Variants in ANKHD1 observed in about 807,000 individuals in gnomAD.
ANKHD1 encodes the protein ankyrin repeat and KH domain containing 1, also known as ankyrin repeat and KH domain-containing protein 1.
Under a neutral mutation model 230.5 loss-of-function variants are expected in ANKHD1, and 31 were observed. The ratio of observed to expected loss-of-function variants is 0.13; its 90% CI spans 0.10 to 0.18. The LOEUF is 0.18. ANKHD1 is among the 10% of genes least tolerant of loss of function. The probability of loss-of-function intolerance (pLI) is 1.00; values close to 1 mark genes in which losing one functional copy is unlikely to be tolerated. For synonymous variants in ANKHD1, 1,074 were observed against 1,117.6 expected (o/e 0.96, Z 0.78); for missense variants, 2,256 against 3,071.3 (o/e 0.73, Z 6.27).
intron 29 of ANKHD1, 21 bp from the exon 30 acceptor site, chr5:140,535,341 C>T (rs1356793789): frequency 1.3e-6 from 2 of 1,566,888 alleles, no homozygotes; most frequent in Admixed American, 2.0e-5. Context: ...AATTGGATGT[C>T]TTGGACCTGT....
Position 140,418,526 on chromosome 5 carries a change from A to G in ANKHD1, c.306+16253A>G, listed in dbSNP as rs76837744. Reference sequence around the variant, plus strand: ...AAACACTTTTATCACTCCCAAAAGAAGCCGTGTACTCCTTAGCAGTCTTTT... The same window carrying G: ...AAACACTTTTATCACTCCCAAAAGAGGCCGTGTACTCCTTAGCAGTCTTTT... On this transcript the variant is annotated intron_variant, in intron 1 of 33. Transcript: ENST00000360839. 6.7e-3 allele frequency among the ~76,000 whole-genome samples: 1,015 copies of G among 152,292 alleles called. 11 individuals are homozygous for G. Among genetic ancestry groups the G allele is most frequent in the African/African-American group, 0.023 (943 of 41,566 alleles).
chr5:140,502,063 G>A (rs776980580), intron 15 of ANKHD1, among the ~76,000 whole-genome samples: 9 of 150,504 alleles, frequency 6.0e-5, no homozygotes, highest in South Asian at 4.2e-4. Context: ...AAAGCATACC[G>A]TATAAGTTTA....
chr5:140,462,077 G>A (rs1447750955), intron 9 of ANKHD1, among the ~76,000 whole-genome samples: 1 of 151,888 alleles, frequency 6.6e-6, no homozygotes, highest in African/African-American at 2.4e-5. Flanking sequence ...TGATGATATT[G>A]CTATGATTTT....
chr5:140,402,224 C>T lies in ANKHD1; in HGVS notation c.257C>T (p.Thr86Ile), dbSNP rs1392033015. 2 of 1,520,848 alleles carry T rather than the reference C, an allele frequency of 1.3e-6. No homozygotes were observed. Among genetic ancestry groups the T allele is most frequent in the African/African-American group, 1.4e-5 (1 of 71,134 alleles). The allele number at this position is 1,520,848 out of a possible 1,614,324, so 94.2% of individuals were successfully genotyped here. ...AAGTTGGCGGCTGCCGTGCTGAGGA[C>T]CGGGGGTGGAGGTGGTGCCTCTGGC... ...DFKLAAAVLR[T>I]GGGGGASGSD... Residue 86 changes from threonine (T) to isoleucine (I), a missense_variant, in exon 1 of 34, where the codon ACC (threonine) becomes ATC (isoleucine). Around this residue, in one of 13 missense-constraint regions of ANKHD1, gnomAD observed 193 missense variants for 185.8 expected, o/e 1.04. Coordinates refer to ENST00000360839, the MANE Select transcript of ANKHD1 (RefSeq NM_017747.3).
chr5:140,539,145 G>T, intron 33 of ANKHD1, 62 bp downstream of exon 33: 2 of 1,546,208 alleles, frequency 1.3e-6, no homozygotes, highest in South Asian at 2.5e-5. Context: ...TTTGTTTTGT[G>T]AGAAGTATAA....
Position 140,528,708 on chromosome 5 carries a change from T to C in ANKHD1, c.5762T>C (p.Leu1921Ser). The C allele has an allele frequency of 6.2e-7, 1 of 1,614,240 alleles. No homozygotes were observed. The highest frequency in any genetic ancestry group is 8.5e-7 in the Non-Finnish European group (1 of 1,180,048). ...SRLPNQNGTV[L>S]PSESAGLATA... ...CTACCTAACCAGAACGGGACTGTTTTACCCTCAGAGTCTGCTGGACTAGCT... is the reference window on the plus strand; with the variant it reads ...CTACCTAACCAGAACGGGACTGTTTCACCCTCAGAGTCTGCTGGACTAGCT... The change falls in exon 29 of 34, where the codon TTA (leucine) becomes TCA (serine). Residue 1921 changes from leucine to serine, a missense_variant. Physicochemically the swap from Leu to Ser is moderately radical, Grantham distance 145. This residue lies in a region of ANKHD1 where 778 missense variants were observed against 966.5 expected (regional missense o/e 0.80). Coordinates refer to ENST00000360839, the MANE Select transcript of ANKHD1 (RefSeq NM_017747.3).
chr5:140,489,190 C>T (rs1231485946), intron 14 of ANKHD1, among the ~76,000 whole-genome samples: 1 of 82,788 alleles, frequency 1.2e-5, no homozygotes, highest in Non-Finnish European at 2.5e-5. Flanking sequence ...ACCTTGTCTC[C>T]AAAAAAAAAA....
At chr5:140,449,413 C>A in intron 7 of ANKHD1, 108 bp downstream of exon 7, 1 of 1,300,852 alleles carries the variant, frequency 7.7e-7, no homozygotes, top group Non-Finnish European at 1.0e-6. Flanking sequence ...GCCTGTAATC[C>A]CAGCACTTTG....
chr5:140,402,100 A>C lies in ANKHD1; in HGVS notation c.133A>C (p.Arg45=). The change falls in exon 1 of 34, where the codon AGG becomes CGG. Residue 45 remains arginine, a synonymous_variant. Transcript: ENST00000360839. ...GGTCGGTCTGGGGATCCGCACCGTGAGGCTCTTTGGGGAGGCCGGGCCAGC... is the reference window on the plus strand; with the variant it reads ...GGTCGGTCTGGGGATCCGCACCGTGCGGCTCTTTGGGGAGGCCGGGCCAGC... The part of the protein sequence containing the change: ...GGVGLGIRTV[R]LFGEAGPASG... The C allele has an allele frequency of 6.6e-7, 1 of 1,524,152 alleles. No individual in the cohort carries two copies. The highest frequency in any genetic ancestry group is 1.3e-5 in the South Asian group (1 of 79,564). 94.4% of individuals were successfully genotyped at this position (1,524,152 alleles called of 1,614,324 possible).
intron 1 of ANKHD1, among the ~76,000 whole-genome samples, chr5:140,409,709 C>T (rs1466863328): frequency 6.6e-6 from 1 of 151,944 alleles, no homozygotes; most frequent in Non-Finnish European, 1.5e-5. Flanking sequence ...CGTGCCACCA[C>T]GCTCGGCTAA....
intron 13 of ANKHD1, chr5:140,486,071 G>GTTT: frequency 1.4e-5 from 3 of 214,674 alleles, no homozygotes; most frequent in South Asian, 6.3e-5. Context: ...TTTTTCTTTT[G>GTTT]TTTTTTTTTT....
At chr5:140,458,985 T>TAC (rs1775476025) in intron 8 of ANKHD1, 123 bp downstream of exon 8, 2 of 20,858 alleles carry the variant, frequency 9.6e-5, no homozygotes, top group Admixed American at 7.2e-4. Flanking sequence ...TATATGCATA[T>TAC]ATATATATAT....
chr5:140,527,902 T>G lies in ANKHD1; in HGVS notation c.5117T>G (p.Val1706Gly), dbSNP rs992511972. The change falls in exon 28 of 34, where the codon GTG (valine) becomes GGG (glycine). Residue 1706 changes from valine to glycine, a missense_variant. By Grantham distance (109) the Val-to-Gly change is moderately radical. This residue lies in a region of ANKHD1 where 212 missense variants were observed against 257.3 expected (regional missense o/e 0.82). Transcript: ENST00000360839. This position sits in a 1 kb window ranked among gnomAD's most constrained non-coding sequence, Gnocchi z 4.5. ...AAGAAATTGTCTGTTCCAGCCTCAGTGGTGTCGAGGATAATGGGAAGAGGA... is the reference window on the plus strand; with the variant it reads ...AAGAAATTGTCTGTTCCAGCCTCAGGGGTGTCGAGGATAATGGGAAGAGGA... ...RSKKLSVPASVVSRIMGRGGC... is the reference protein window; with the variant it reads ...RSKKLSVPASGVSRIMGRGGC... 6.2e-7 allele frequency: 1 copy of G among 1,613,840 alleles called. No individual in the cohort carries two copies.
At chr5:140,516,856 C>T (rs1310969044) in intron 24 of ANKHD1, among the ~76,000 whole-genome samples, 4 of 151,682 alleles carry the variant, frequency 2.6e-5, no homozygotes, top group Non-Finnish European at 4.4e-5. Context: ...TAAAGACCAT[C>T]GAGACTAGGA....
intron 14 of ANKHD1, among the ~76,000 whole-genome samples, chr5:140,490,532 A>G (rs991319282): frequency 6.6e-6 from 1 of 152,180 alleles, no homozygotes; most frequent in African/African-American, 2.4e-5. Flanking sequence ...CACGTCCATA[A>G]AATATGAAAC....
intron 1 of ANKHD1, among the ~76,000 whole-genome samples, chr5:140,427,456 T>C (rs1419715383): frequency 4.3e-5 from 5 of 117,386 alleles, no homozygotes; most frequent in Admixed American, 8.3e-5. Context: ...ACGGGGCGGC[T>C]GGCCGGGCAG....
At chr5:140,519,107 T>C (rs909955773) in intron 24 of ANKHD1, among the ~76,000 whole-genome samples, 21 of 152,210 alleles carry the variant, frequency 1.4e-4, no homozygotes, top group Middle Eastern at 3.2e-3. Flanking sequence ...ACAAAATCAA[T>C]GTACAAAAAT....
At chr5:140,481,148 A>G (rs1197329014) in intron 10 of ANKHD1, among the ~76,000 whole-genome samples, 2 of 152,102 alleles carry the variant, frequency 1.3e-5, no homozygotes, top group Admixed American at 6.5e-5. Flanking sequence ...TAAATGGGCA[A>G]TTTATTTCCA....
At chr5:140,406,332 G>T (rs1315861442) in intron 1 of ANKHD1, among the ~76,000 whole-genome samples, 7 of 152,054 alleles carry the variant, frequency 4.6e-5, no homozygotes, top group Non-Finnish European at 2.9e-5. Context: ...AGTTTGTCTT[G>T]TTGCTCTAAT....
Sources: gnomAD v4.1 joint callset for allele counts (sites outside exome capture counted in the v4.1 genomes callset) on GRCh38, gnomAD v4.1.1 for gene constraint, gnomAD v4.1.1 regional missense constraint, Gnocchi (gnomAD v3.1) non-coding constraint, MANE v1.5 for transcripts, NCBI Gene and HGNC (gene_info 2026-07-23, HGNC 2026-07-21) for gene names.